TLN2: variants seen among roughly 807,000 people sequenced by gnomAD.
TLN2 encodes talin-2.
In TLN2, 118 loss-of-function variants were observed where a neutral mutation model predicts 294.7. The observed-to-expected ratio is 0.40, with a 90% CI of 0.34 to 0.47. TLN2 has a LOEUF of 0.47. Ranked by LOEUF, TLN2 falls within the 20% of genes least tolerant of loss-of-function variation. The pLI is 0.84. For missense variants in TLN2, 3,083 were observed against 3,282.2 expected, an observed-to-expected ratio of 0.94 and a Z score of 1.48; for synonymous variants, 1,431 against 1,304.5, an observed-to-expected ratio of 1.10 and a Z score of -2.09.
At chr15:62,414,608 T>A (rs2033975241) in intron 1 of TLN2, among the ~76,000 whole-genome samples, 1 of 141,546 alleles carries the variant, frequency 7.1e-6, no homozygotes, top group Non-Finnish European at 1.5e-5. Context: ...TGAGAACCGC[T>A]GTCATACAGT....
intron 42 of TLN2, among the ~76,000 whole-genome samples, chr15:62,773,188 C>T (rs1455591799): frequency 1.3e-5 from 2 of 149,994 alleles, no homozygotes; most frequent in African/African-American, 4.9e-5. Flanking sequence ...TGGCCTCAAG[C>T]AGTCCTCCCC....
rs926911655 is a variant in TLN2 at position 62,710,871 on chromosome 15, G to A, written c.2468-1040G>A. 5.3e-5 allele frequency among the ~76,000 whole-genome samples: 8 copies of A among 151,842 alleles called. No individual in the cohort carries two copies. In the East Asian group the frequency reaches 9.7e-4, roughly 18 times the overall value. On this transcript the variant is annotated intron_variant, in intron 21 of 58. Transcript: ENST00000636159. ...CTCCTGAGTAGCTGGCACTACAGGC[G>A]CCCACCACCACGCCCGGCTAATTTT...
At chr15:62,541,918 G>T (rs895214000) in intron 1 of TLN2, among the ~76,000 whole-genome samples, 1 of 151,462 alleles carries the variant, frequency 6.6e-6, no homozygotes, top group African/African-American at 2.4e-5. Context: ...TACTCCAGCT[G>T]CTTTGCTATA....
chr15:62,730,675 C>T (rs1009884084), intron 28 of TLN2, among the ~76,000 whole-genome samples: 1 of 152,142 alleles, frequency 6.6e-6, no homozygotes. Flanking sequence ...GATGTTATTC[C>T]ATTGTTGCTG....
At chr15:62,759,272 G>A (rs771747938) in intron 37 of TLN2, among the ~76,000 whole-genome samples, 20 of 152,176 alleles carry the variant, frequency 1.3e-4, no homozygotes, top group Admixed American at 6.5e-4. Context: ...TTCTGACGCC[G>A]GATGCCTTTT....
intron 26 of TLN2, among the ~76,000 whole-genome samples, chr15:62,724,138 ACT>A (rs2060306392): frequency 6.6e-6 from 1 of 152,138 alleles, no homozygotes; most frequent in South Asian, 2.1e-4. Context: ...ACAGAGTGAG[ACT>A]CTGTCTCCCA....
In TLN2 at chr15:62,835,728, A is replaced by G. The variant is rs762596001; in HGVS notation, c.7129-9A>G. 6 of 1,612,084 alleles carry G rather than the reference A, an allele frequency of 3.7e-6. No homozygotes were observed. Among genetic ancestry groups the G allele is most frequent in the South Asian group, 2.2e-5 (2 of 90,912 alleles). On this transcript the variant is annotated splice_polypyrimidine_tract_variant and intron_variant, in intron 55 of 58. Transcript: ENST00000636159. The stretch of plus-strand genomic sequence containing the variant: ...CCCTCATGGCCAATTTCTCGACTCT[A>G]CTCTCTAGGTGGGCTCCATCCCTGC...
chr15:62,792,726 G>A lies in TLN2; in HGVS notation c.5822G>A (p.Cys1941Tyr). ...LVQKAGALQV[C>Y]PTDSYTKREL... ...CAGAAGGCAGGGGCCCTCCAGGTCTGCCCCACAGACAGCTACACCAAGAGG... is the reference window on the plus strand; with the variant it reads ...CAGAAGGCAGGGGCCCTCCAGGTCTACCCCACAGACAGCTACACCAAGAGG... Residue 1941 changes from cysteine (C) to tyrosine (Y), a missense_variant, in exon 46 of 59, where the codon TGC becomes TAC. By Grantham distance (194) the Cys-to-Tyr change is radical. Transcript: ENST00000636159. 6.2e-7 allele frequency: 1 copy of A among 1,614,038 alleles called. No homozygotes were observed. Among genetic ancestry groups the A allele is most frequent in the Non-Finnish European group, 8.5e-7 (1 of 1,180,040 alleles).
intron 9 of TLN2, among the ~76,000 whole-genome samples, chr15:62,665,038 C>T (rs1235976542): frequency 6.6e-6 from 1 of 151,802 alleles, no homozygotes; most frequent in Non-Finnish European, 1.5e-5. Context: ...ATATACTTTT[C>T]TATAATTTGA....
At chr15:62,677,748 T>A (rs966652328) in intron 11 of TLN2, among the ~76,000 whole-genome samples, 9 of 150,946 alleles carry the variant, frequency 6.0e-5, no homozygotes, top group Non-Finnish European at 7.4e-5. Context: ...TATTTTTTTT[T>A]AAAAATTACA....
intron 1 of TLN2, among the ~76,000 whole-genome samples, chr15:62,410,887 C>G (rs2033734776): frequency 6.6e-6 from 1 of 152,220 alleles, no homozygotes; most frequent in Non-Finnish European, 1.5e-5. Context: ...TGCCCTTCCA[C>G]TGTGCATTCT....
chr15:62,747,405 G>A (rs1230301135), intron 32 of TLN2, among the ~76,000 whole-genome samples: 5 of 152,052 alleles, frequency 3.3e-5, no homozygotes, highest in East Asian at 1.9e-4. Context: ...TTTTGTGGTC[G>A]CTTTTGGGAA....
intron 1 of TLN2, among the ~76,000 whole-genome samples, chr15:62,585,244 A>G (rs574206267): frequency 1.7e-4 from 26 of 152,272 alleles, no homozygotes; most frequent in African/African-American, 5.5e-4. Context: ...ATGGTGAAAA[A>G]CTGCCAGGTA....
intron 1 of TLN2, among the ~76,000 whole-genome samples, chr15:62,480,713 A>G (rs776417193): frequency 6.6e-6 from 1 of 152,126 alleles, no homozygotes; most frequent in Non-Finnish European, 1.5e-5. Context: ...TGCATGCCCT[A>G]CGTTACCACA....
chr15:62,428,010 G>A (rs1254235835), intron 1 of TLN2, among the ~76,000 whole-genome samples: 1 of 152,156 alleles, frequency 6.6e-6, no homozygotes, highest in East Asian at 1.9e-4. Flanking sequence ...TTTAGGGTCT[G>A]TAAGTGGGAG....
chr15:62,549,711 G>C (rs16945266), intron 1 of TLN2, among the ~76,000 whole-genome samples: 1 of 152,052 alleles, frequency 6.6e-6, no homozygotes, highest in East Asian at 1.9e-4. Flanking sequence ...TCTCTCAACC[G>C]GAGGTGTCAG....
Position 62,800,454 on chromosome 15 carries a change from G to T in TLN2, c.6321G>T (p.Val2107=). The T allele has an allele frequency of 1.9e-6, 3 of 1,614,222 alleles. No homozygotes were observed. Among genetic ancestry groups the T allele is most frequent in the Non-Finnish European group, 2.5e-6 (3 of 1,180,048 alleles). Residue 2107 remains valine (V), a synonymous_variant, in exon 49 of 59, where the codon GTG becomes GTT. Transcript: ENST00000636159. ...CCAAGGGAGCTGCCAGCAAGCCAGT[G>T]GACGACCCTTCCATGTACCAGCTCA... ...SATKGAASKP[V]DDPSMYQLKG... is the part of the protein sequence containing the mutation.
chr15:62,559,825 T>C (rs1179041161), intron 1 of TLN2, among the ~76,000 whole-genome samples: 1 of 151,500 alleles, frequency 6.6e-6, no homozygotes, highest in African/African-American at 2.4e-5. Flanking sequence ...GGTGGGGGGG[T>C]GTGCTTTATC....
intron 1 of TLN2, among the ~76,000 whole-genome samples, chr15:62,440,744 T>C (rs930276525): frequency 3.9e-5 from 6 of 152,214 alleles, no homozygotes; most frequent in African/African-American, 1.4e-4. Flanking sequence ...AGTAGAGCTG[T>C]CATGGAAAGC....
Sources: allele counts gnomAD v4.1 joint callset (sites outside exome capture counted in the v4.1 genomes callset), GRCh38; gene constraint gnomAD v4.1.1; transcripts MANE v1.5; gene names NCBI Gene and HGNC (gene_info 2026-07-23, HGNC 2026-07-21).